The following SMTN variants were observed in gnomAD, a reference collection of about 807,000 sequenced individuals.
The protein encoded by SMTN is smoothelin.
Under a neutral mutation model 102.0 loss-of-function variants are expected in SMTN, and 58 were observed. That is an observed-to-expected ratio of 0.57 (90% confidence interval 0.46 to 0.71). The LOEUF is 0.71. Ranked by LOEUF, SMTN falls within the 30% of genes least tolerant of loss-of-function variation. The pLI, the probability that SMTN is intolerant of heterozygous loss-of-function variation, is 0.00. For synonymous variants in SMTN, 478 were observed against 497.9 expected, an observed-to-expected ratio of 0.96 and a Z score of 0.53; for missense variants, 1,185 against 1,241.7, an observed-to-expected ratio of 0.95 and a Z score of 0.69.
At position 31,091,291 on chromosome 22, in the gene SMTN, C is replaced by A. The variant is rs765881588; in HGVS notation, c.1268C>A (p.Ala423Asp). ...GGCCCCAGGGGGCGGGGCTTGGCTG[C>A]TAGGCCCCTTGAAAACAGAGCAGGG... ...EEGPRGRGLA[A>D]RPLENRAGGP... is the part of the protein sequence containing the mutation. The change falls in exon 10 of 21, where the codon GCT becomes GAT. Residue 423 changes from alanine (A) to aspartate (D), a missense_variant. Ala to Asp is a moderately radical substitution (Grantham distance 126, BLOSUM62 -2). This residue lies in a region of SMTN where 1,096 missense variants were observed against 1,112.7 expected (regional missense o/e 0.98). Coordinates refer to ENST00000333137, the MANE Select transcript of SMTN (RefSeq NM_134269.3). 2.5e-6 allele frequency: 4 copies of A among 1,599,802 alleles called. No homozygotes were observed. In the East Asian group the frequency reaches 9.0e-5, roughly 36 times the overall value.
intron 20 of SMTN, chr22:31,103,962 G>GT: frequency 3.6e-6 from 1 of 278,162 alleles, no homozygotes; most frequent in Non-Finnish European, 6.9e-6. Flanking sequence ...ACCAACTGGA[G>GT]TGTGCCAGTG....
At chr22:31,077,010 C>T (rs1344383412), upstream of SMTN, among the ~76,000 whole-genome samples, 3 of 152,182 alleles carry the variant, frequency 2.0e-5, no homozygotes, top group Non-Finnish European at 4.4e-5. Context: ...GAGTCAAACC[C>T]CCTCATTTTA....
chr22:31,085,210 C>T (rs1455349059), intron 2 of SMTN: 1 of 1,535,120 alleles, frequency 6.5e-7, no homozygotes, highest in Middle Eastern at 1.7e-4. Flanking sequence ...TTGGTTTCTT[C>T]CCTTTAGATC....
intron 16 of SMTN, among the ~76,000 whole-genome samples, chr22:31,097,593 A>G (rs1455725862): frequency 1.3e-5 from 2 of 151,916 alleles, no homozygotes; most frequent in Non-Finnish European, 2.9e-5. Context: ...AATCCCAACT[A>G]CTGGGGAGGC....
chr22:31,091,046 T>C lies in SMTN; in HGVS notation c.1023T>C (p.Ser341=). The change falls in exon 10 of 21, where the codon TCT becomes TCC. Residue 341 remains serine, a synonymous_variant. Coordinates refer to ENST00000333137, the MANE Select transcript of SMTN (RefSeq NM_134269.3). ...GTGTCCACAAGTTCACATCTGATTC[T>C]CCTATGGCTGCTAGGCTCCAGGATG... ...RDRVHKFTSD[S]PMAARLQDGT... 1.2e-6 allele frequency: 2 copies of C among 1,613,970 alleles called. No homozygotes were observed. Among genetic ancestry groups the C allele is most frequent in the Non-Finnish European group, 1.7e-6 (2 of 1,179,958 alleles).
At position 31,091,663 on chromosome 22, in the gene SMTN, C is replaced by A; in HGVS notation, c.1460-12C>A. On this transcript the variant is annotated splice_polypyrimidine_tract_variant and intron_variant, in intron 10 of 20. Transcript: ENST00000333137. ...CCTGATCCTCCTGACAGCCACCTTT[C>A]TCCCCACTCAGAACTGACACTGGGG... 6.4e-7 allele frequency: 1 copy of A among 1,572,504 alleles called. No homozygotes were observed. The highest frequency in any genetic ancestry group is 8.7e-7 in the Non-Finnish European group (1 of 1,154,134).
chr22:31,076,124 C>A (rs1346205875), intron 1 of SMTN, among the ~76,000 whole-genome samples: 1 of 152,218 alleles, frequency 6.6e-6, no homozygotes, highest in Non-Finnish European at 1.5e-5. Flanking sequence ...CCCCACCCTG[C>A]CTGCCTTCCC....
At chr22:31,102,363 A>G (rs2147827369) in intron 20 of SMTN, 1 of 152,222 alleles carries the variant, frequency 6.6e-6, no homozygotes, top group South Asian at 2.1e-4. Context: ...GTTCCCGCCC[A>G]TTTTGTAGAG....
At chr22:31,068,684 T>A (rs2041924113) in intron 1 of SMTN, among the ~76,000 whole-genome samples, 1 of 152,198 alleles carries the variant, frequency 6.6e-6, no homozygotes, top group Admixed American at 6.5e-5. Context: ...TGACGCCAGA[T>A]CCTTTCTAGG....
At chr22:31,099,308 G>T (rs756308843) in intron 18 of SMTN, 129 bp downstream of exon 18, 73 of 649,888 alleles carry the variant, frequency 1.1e-4, no homozygotes, top group Non-Finnish European at 1.8e-4. Flanking sequence ...ACATGGAAAG[G>T]CTCTTGGGGT....
chr22:31,091,102 C>T lies in SMTN; in HGVS notation c.1079C>T (p.Thr360Ile), dbSNP rs1026267206. The change falls in exon 10 of 21, where the codon ACC becomes ATC. Residue 360 changes from threonine to isoleucine, a missense_variant. Around this residue, in one of 2 missense-constraint regions of SMTN, gnomAD observed 1,096 missense variants for 1,112.7 expected, o/e 0.98. Coordinates refer to ENST00000333137, the MANE Select transcript of SMTN (RefSeq NM_134269.3). ...CCCCAGGCTGCCCTAAGTCCCCTGA[C>T]CCCCGCAAGGCTCCTGGGCCCCTCC... ...GTPQAALSPL[T>I]PARLLGPSLT... The T allele has an allele frequency of 1.2e-6, 2 of 1,613,880 alleles. No homozygotes were observed. The highest frequency in any genetic ancestry group is 2.7e-5 in the African/African-American group (2 of 74,898).
intron 20 of SMTN, chr22:31,101,677 A>G (rs5749214): frequency 0.88 from 134,170 of 151,706 alleles, 59,638 homozygotes; most frequent in East Asian, 1. Flanking sequence ...CTAGCGACTC[A>G]GGAGGCTGAG....
chr22:31,087,130 A>C (rs1569244544), intron 2 of SMTN: 1 of 152,296 alleles, frequency 6.6e-6, no homozygotes, highest in Non-Finnish European at 1.5e-5. Flanking sequence ...GAGGATCTGT[A>C]TGTAGCAGGT....
intron 1 of SMTN, among the ~76,000 whole-genome samples, chr22:31,070,418 C>T (rs1438060139): frequency 3.3e-5 from 5 of 152,100 alleles, no homozygotes; most frequent in Admixed American, 2.6e-4. Flanking sequence ...ACTTCACTCA[C>T]GTTGGTCTTC....
At position 31,090,185 on chromosome 22, in the gene SMTN, G is replaced by C. The variant is rs768247345; in HGVS notation, c.865+5G>C. 1 of 1,608,238 alleles carries C rather than the reference G, an allele frequency of 6.2e-7. No homozygotes were observed. Among genetic ancestry groups the C allele is most frequent in the Admixed American group, 1.7e-5 (1 of 58,628 alleles). Reference sequence around the variant, plus strand: ...CCTCTGACACCAAGAGAGCAGGTGAGGGTCCCAGCAGGGGTAGTCACAGGC... The same window carrying C: ...CCTCTGACACCAAGAGAGCAGGTGACGGTCCCAGCAGGGGTAGTCACAGGC... On this transcript the variant is annotated splice_donor_5th_base_variant and intron_variant, in intron 8 of 20. Coordinates refer to ENST00000333137, the MANE Select transcript of SMTN (RefSeq NM_134269.3).
In SMTN at chr22:31,095,720, G is replaced by T. The variant is rs1005506515; in HGVS notation, c.1861+111G>T. The stretch of plus-strand genomic sequence containing the variant: ...CCCAGCTTAATAACTGCCCTACCCA[G>T]CTTCTCCTTCTCTAGACCCAGCAGT... On this transcript the variant is annotated intron_variant, in intron 13 of 20. Coordinates refer to ENST00000333137, the MANE Select transcript of SMTN (RefSeq NM_134269.3). This position sits in a 1 kb window ranked among gnomAD's most constrained non-coding sequence, Gnocchi z 4.1. 1 of 917,286 alleles carries T rather than the reference G, an allele frequency of 1.1e-6. No homozygotes were observed. Among genetic ancestry groups the T allele is most frequent in the Non-Finnish European group, 1.7e-6 (1 of 601,980 alleles). 56.8% of individuals were successfully genotyped at this position (917,286 alleles called of 1,614,324 possible). A position where few individuals can be genotyped will look rare whatever the true frequency, so the allele number is the denominator to read the frequency against.
intron 16 of SMTN, 47 bp from the exon 17 acceptor site, chr22:31,098,620 G>GA: frequency 6.3e-7 from 1 of 1,593,354 alleles, no homozygotes; most frequent in Non-Finnish European, 8.6e-7. Context: ...CCAGGCTGGG[G>GA]AGCAGCCCTG....
intron 20 of SMTN, chr22:31,101,787 A>G (rs1327151530): frequency 6.6e-6 from 1 of 150,428 alleles, no homozygotes; most frequent in African/African-American, 2.4e-5. Context: ...CCATCTCAAA[A>G]AAAAAAAAAA....
At position 31,091,692 on chromosome 22, in the gene SMTN, C is replaced by A; in HGVS notation, c.1477C>A (p.Arg493=). 6.3e-7 allele frequency: 1 copy of A among 1,596,202 alleles called. No homozygotes were observed. ...CCACTCAGAACTGACACTGGGGCTG[C>A]GGGCGCCCCCGACCCTACTCAGCAC... ...NQRAELTLGL[R]APPTLLSTSS... Residue 493 remains arginine, a synonymous_variant, in exon 11 of 21, where the codon CGG becomes AGG. Transcript: ENST00000333137.
Sources: allele counts gnomAD v4.1 joint callset (sites outside exome capture counted in the v4.1 genomes callset), GRCh38; gene constraint gnomAD v4.1.1; regional missense constraint gnomAD v4.1.1; non-coding constraint Gnocchi (gnomAD v3.1); transcripts MANE v1.5; gene names NCBI Gene and HGNC (gene_info 2026-07-23, HGNC 2026-07-21).